TRAM1: variants seen among roughly 807,000 people sequenced by gnomAD.
TRAM1 encodes translocating chain-associated membrane protein 1.
Under a neutral mutation model 48.7 loss-of-function variants are expected in TRAM1, and 17 were observed. That is an observed-to-expected ratio of 0.35 (90% CI 0.24 to 0.52). The LOEUF is 0.52. Ranked by LOEUF, TRAM1 falls within the 20% of genes least tolerant of loss-of-function variation. The pLI, the probability that TRAM1 is intolerant of heterozygous loss-of-function variation, is 0.94. For missense variants in TRAM1, 351 were observed against 441.5 expected (o/e 0.79, Z 1.84); for synonymous variants, 182 against 154.0 (o/e 1.18, Z -1.34).
rs1468536220 is a variant in TRAM1, at chr8:70,574,439, G to A, written c.*493C>T. ...TGATTTTACAAATCTTTTTTTCCAG[G>A]TGTAAAGTCTACAAAAATTCCAAAA... On this transcript the variant is annotated 3_prime_UTR_variant, in exon 11 of 11. Transcript: ENST00000262213. The A allele has an allele frequency of 4.6e-6, 1 of 218,000 alleles. No individual in the cohort carries two copies. The highest frequency in any genetic ancestry group is 9.2e-6 in the Non-Finnish European group (1 of 108,406). 13.5% of individuals were successfully genotyped at this position (218,000 alleles called of 1,614,324 possible). A position where few individuals can be genotyped will look rare whatever the true frequency, so the allele number is the denominator to read the frequency against.
chr8:70,597,884 G>A lies in TRAM1; in HGVS notation c.426+11C>T. 2 of 1,564,754 alleles carry A rather than the reference G, an allele frequency of 1.3e-6. No homozygotes were observed. The highest frequency in any genetic ancestry group is 1.7e-6 in the Non-Finnish European group (2 of 1,148,318). ...AGGAAGGAGAACAACAACCTAAGAG[G>A]ACATACTTACAGAGATGAGAATGAA... On this transcript the variant is annotated intron_variant, in intron 4 of 10. Transcript: ENST00000262213.
chr8:70,588,149 C>T (rs1028890502), intron 6 of TRAM1, among the ~76,000 whole-genome samples: 4 of 151,926 alleles, frequency 2.6e-5, no homozygotes, highest in Admixed American at 6.6e-5. Flanking sequence ...CACAAGAGTT[C>T]GAGGTTACAG....
intron 1 of TRAM1, among the ~76,000 whole-genome samples, chr8:70,601,775 C>A (rs1253758190): frequency 1.3e-5 from 2 of 152,122 alleles, no homozygotes; most frequent in Admixed American, 1.3e-4. Context: ...GTTTGGTAAG[C>A]TAGAAGAAAG....
chr8:70,591,721 T>C (rs1184211664), intron 6 of TRAM1, among the ~76,000 whole-genome samples: 1 of 152,164 alleles, frequency 6.6e-6, no homozygotes, highest in Non-Finnish European at 1.5e-5. Flanking sequence ...AAACCCCAGA[T>C]GGTACATCTT....
intron 6 of TRAM1, among the ~76,000 whole-genome samples, chr8:70,592,784 G>A (rs1817396050): frequency 2.0e-5 from 3 of 152,272 alleles, no homozygotes; most frequent in South Asian, 4.1e-4. Context: ...TCTCAGTAGC[G>A]CTGTCCAATA....
intron 4 of TRAM1, among the ~76,000 whole-genome samples, chr8:70,597,668 CAAA>C (rs35449323): frequency 2.8e-5 from 1 of 35,986 alleles, no homozygotes; most frequent in African/African-American, 1.2e-4. Flanking sequence ...GACTCTGTCT[CAAA>C]AAAAAAAAAA....
intron 10 of TRAM1, among the ~76,000 whole-genome samples, chr8:70,582,596 G>A (rs1222687262): frequency 6.6e-6 from 1 of 151,068 alleles, no homozygotes; most frequent in East Asian, 1.9e-4. Context: ...AACCAGAGTG[G>A]ACATACTCTA....
At chr8:70,590,363 C>T (rs532015940) in intron 6 of TRAM1, among the ~76,000 whole-genome samples, 1 of 152,322 alleles carries the variant, frequency 6.6e-6, no homozygotes, top group East Asian at 1.9e-4. Context: ...CATTCCATTT[C>T]TGATCTTTTG....
chr8:70,592,968 C>T (rs1249710196), intron 6 of TRAM1, among the ~76,000 whole-genome samples: 5 of 152,154 alleles, frequency 3.3e-5, no homozygotes, highest in African/African-American at 9.7e-5. Flanking sequence ...TTGGACAGTA[C>T]AGCTCCACAA....
At chr8:70,586,818 A>T in intron 8 of TRAM1, 77 bp downstream of exon 8, 1 of 1,235,438 alleles carries the variant, frequency 8.1e-7, no homozygotes, top group African/African-American at 1.5e-5. Flanking sequence ...TAATGGCCTA[A>T]AGCATGGATC....
intron 1 of TRAM1, 53 bp downstream of exon 1, chr8:70,608,024 G>C: frequency 1.3e-6 from 2 of 1,518,512 alleles, no homozygotes; most frequent in Non-Finnish European, 1.8e-6. Context: ...TCTGGAGCCC[G>C]GGCCCGGGCT....
At chr8:70,575,475 G>T (rs1365608087) in intron 10 of TRAM1, among the ~76,000 whole-genome samples, 1 of 152,062 alleles carries the variant, frequency 6.6e-6, no homozygotes, top group African/African-American at 2.4e-5. Context: ...AGGCTGTGTA[G>T]TGGCACGATC....
intron 1 of TRAM1, among the ~76,000 whole-genome samples, chr8:70,604,621 A>T (rs73685680): frequency 2.0e-5 from 3 of 152,020 alleles, no homozygotes; most frequent in African/African-American, 7.3e-5. Context: ...TGACCTGAGC[A>T]CCTTACCTGT....
At position 70,587,170 on chromosome 8, in the gene TRAM1, T is replaced by C; in HGVS notation, c.577A>G (p.Ile193Val). The change falls in exon 7 of 11, where the codon ATT becomes GTT. Residue 193 changes from isoleucine (I) to valine (V), a missense_variant. By Grantham distance (29) the Ile-to-Val change is conservative (BLOSUM62 3). Transcript: ENST00000262213. ...LYFQKTKKED[I>V]PRQLVYIGLY... ...CCAATGTAGACAAGCTGACGAGGAATATCTTCCTGTAAAAAAATACATTAT... is the reference window on the plus strand; with the variant it reads ...CCAATGTAGACAAGCTGACGAGGAACATCTTCCTGTAAAAAAATACATTAT... 6.2e-7 allele frequency: 1 copy of C among 1,613,326 alleles called. No individual in the cohort carries two copies. The highest frequency in any genetic ancestry group is 8.5e-7 in the Non-Finnish European group (1 of 1,179,492).
chr8:70,598,219 T>C lies in TRAM1; in HGVS notation c.224A>G (p.Tyr75Cys), dbSNP rs776176949. ...QATESVSLYY[Y>C]GIKDLATVFF... is the part of the protein sequence containing the mutation. ...AACAGTAGCCAAATCTTTGATGCCATAGTAATAAAGGGACACTGATTCAGT... is the reference window on the plus strand; with the variant it reads ...AACAGTAGCCAAATCTTTGATGCCACAGTAATAAAGGGACACTGATTCAGT... Residue 75 changes from tyrosine (Y) to cysteine (C), a missense_variant, in exon 3 of 11, where the codon TAT (tyrosine) becomes TGT (cysteine). Tyr to Cys is a radical substitution (Grantham distance 194). Transcript: ENST00000262213. The C allele has an allele frequency of 1.2e-5, 20 of 1,612,624 alleles. No individual in the cohort carries two copies. The highest frequency in any genetic ancestry group is 2.7e-5 in the African/African-American group (2 of 74,824).
In TRAM1 at chr8:70,587,656, T is replaced by A. The variant is rs181499041; in HGVS notation, c.571-480A>T. ...TTTGATGTTCCTCTAATATTAAAAT[T>A]GTTATGTTCATAGTAGTAGAGACAC... On this transcript the variant is annotated intron_variant, in intron 6 of 10. Transcript: ENST00000262213. 22 of 154,544 alleles carry A rather than the reference T, an allele frequency of 1.4e-4. 1 individual carries two copies. The highest frequency in any genetic ancestry group is 3.2e-4 in the Admixed American group (5 of 15,584). The allele number at this position is 154,544 out of a possible 1,614,324, so 9.6% of individuals were successfully genotyped here.
intron 9 of TRAM1, 116 bp from the exon 10 acceptor site, chr8:70,583,440 A>C: frequency 7.5e-7 from 1 of 1,331,332 alleles, no homozygotes; most frequent in Non-Finnish European, 1.0e-6. Flanking sequence ...AAATTGTATT[A>C]ATAATCATTG....
At chr8:70,586,594 T>C (rs963630723) in intron 8 of TRAM1, among the ~76,000 whole-genome samples, 7 of 152,146 alleles carry the variant, frequency 4.6e-5, no homozygotes, top group Admixed American at 2.0e-4. Context: ...GAGAGTTCAC[T>C]TCTCTATCAC....
chr8:70,573,434 G>A lies in TRAM1; in HGVS notation c.*1498C>T, dbSNP rs749963168. The A allele has an allele frequency of 6.6e-6, 1 of 152,562 alleles. No homozygotes were observed. The highest frequency in any genetic ancestry group is 1.9e-4 in the East Asian group (1 of 5,200). 9.5% of individuals were successfully genotyped at this position (152,562 alleles called of 1,614,324 possible). A position where few individuals can be genotyped will look rare whatever the true frequency, so the allele number is the denominator to read the frequency against. On this transcript the variant is annotated 3_prime_UTR_variant, in exon 11 of 11. Coordinates refer to ENST00000262213, the MANE Select transcript of TRAM1 (RefSeq NM_014294.6). ...CACCAACAATGACAGAAACATCCAG[G>A]ATACAACTTGTGAAAGTAAAAATTT...
Sources: allele counts gnomAD v4.1 joint callset (sites outside exome capture counted in the v4.1 genomes callset), GRCh38; gene constraint gnomAD v4.1.1; transcripts MANE v1.5; gene names NCBI Gene and HGNC (gene_info 2026-07-23, HGNC 2026-07-21).